Variants in CCAR2 observed in about 807,000 individuals in gnomAD.
The protein encoded by CCAR2 is cell cycle and apoptosis regulator protein 2.
A neutral mutation model predicts 108.1 loss-of-function variants in CCAR2; 21 were observed. The ratio of observed to expected loss-of-function variants is 0.19; its 90% CI spans 0.14 to 0.28. The LOEUF is 0.28. Among genes scored for constraint, CCAR2 ranks in the 10% least tolerant of loss-of-function variants. The pLI is 1.00. For synonymous variants in CCAR2, 577 were observed against 472.8 expected (o/e 1.22, Z -2.86); for missense variants, 1,126 against 1,177.0 (o/e 0.96, Z 0.63).
chr8:22,618,748 A>C lies in CCAR2; in HGVS notation c.2332+20A>C. The C allele has an allele frequency of 1.9e-6, 3 of 1,613,648 alleles. No homozygotes were observed. Among genetic ancestry groups the C allele is most frequent in the Non-Finnish European group, 2.5e-6 (3 of 1,179,816 alleles). On this transcript the variant is annotated intron_variant, in intron 18 of 20. Transcript: ENST00000308511. Reference sequence around the variant, plus strand: ...TCTTCGGTATGTTCTGGGGCCCTGCAGCCTTCCTGGGGCACGGGCAGGGCA... The same window carrying C: ...TCTTCGGTATGTTCTGGGGCCCTGCCGCCTTCCTGGGGCACGGGCAGGGCA...
At position 22,618,191 on chromosome 8, in the gene CCAR2, A is replaced by G. The variant is rs564347615; in HGVS notation, c.2074-158A>G. On this transcript the variant is annotated intron_variant, in intron 16 of 20. Coordinates refer to ENST00000308511, the MANE Select transcript of CCAR2 (RefSeq NM_001393997.1). ...CTGCAGCCTCGAACTCCTGGGTTCA[A>G]GTGATTCTCCTGCCTTAGCCTCCCC... The G allele has an allele frequency of 1.8e-5, 17 of 924,394 alleles. No homozygotes were observed. The East Asian group carries it at 1.9e-4, about 11-fold the overall frequency. 57.3% of individuals were successfully genotyped at this position (924,394 alleles called of 1,614,324 possible).
intron 7 of CCAR2, among the ~76,000 whole-genome samples, chr8:22,611,432 ATG>A (rs1010045074): frequency 1.2e-4 from 17 of 144,802 alleles, no homozygotes; most frequent in East Asian, 2.0e-4. Context: ...GTGTGTATAT[ATG>A]TGTGTGTGTA....
chr8:22,615,298 C>T (rs1054010323), intron 11 of CCAR2, 127 bp from the exon 12 acceptor site: 5 of 1,215,544 alleles, frequency 4.1e-6, no homozygotes, highest in Non-Finnish European at 5.8e-6. Flanking sequence ...CCTGTTGTGT[C>T]TTCAAAGCTT....
At chr8:22,619,480 T>C in intron 20 of CCAR2, 125 bp downstream of exon 20, 5 of 1,414,184 alleles carry the variant, frequency 3.5e-6, no homozygotes, top group Non-Finnish European at 4.8e-6. Flanking sequence ...CGTCTTTCCA[T>C]CGCTTGCCAG....
At chr8:22,608,874 A>G (rs1183570680) in intron 7 of CCAR2, among the ~76,000 whole-genome samples, 18 of 152,186 alleles carry the variant, frequency 1.2e-4, no homozygotes, top group Admixed American at 1.1e-3. Context: ...CCCATTACCC[A>G]GCTTCTTCAA....
rs769836001 is a variant in CCAR2 at position 22,619,261 on chromosome 8, C to T, written c.2633C>T (p.Ala878Val). Residue 878 changes from alanine (A) to valine (V), a missense_variant, in exon 20 of 21, where the codon GCG (alanine) becomes GTG (valine). Physicochemically the swap from Ala to Val is moderately conservative, Grantham distance 64 (BLOSUM62 0). Coordinates refer to ENST00000308511, the MANE Select transcript of CCAR2 (RefSeq NM_001393997.1). The part of the protein sequence containing the change: ...LAEAEETART[A>V]ERQKSQLQRL... ...GAGGCCGAGGAGACCGCCCGGACGG[C>T]GGAGCGACAGAAGAGCCAGCTCCAG... The T allele has an allele frequency of 1.4e-5, 22 of 1,564,676 alleles. No individual in the cohort carries two copies. Among genetic ancestry groups the T allele is most frequent in the Middle Eastern group, 1.7e-4 (1 of 5,968 alleles).
intron 3 of CCAR2, among the ~76,000 whole-genome samples, chr8:22,606,392 G>A (rs923022064): frequency 6.6e-5 from 10 of 152,176 alleles, no homozygotes; most frequent in African/African-American, 2.4e-4. Context: ...TAATGAACTG[G>A]AAATCCCAGA....
chr8:22,607,944 G>T (rs1563906890), intron 6 of CCAR2, 25 bp from the exon 7 acceptor site: 2 of 1,609,510 alleles, frequency 1.2e-6, no homozygotes, highest in Non-Finnish European at 1.7e-6. Flanking sequence ...GGGTTTTTGA[G>T]TCACCAGTCA....
Position 22,613,176 on chromosome 8 carries a change from G to T in CCAR2, c.704+40G>T, listed in dbSNP as rs757643001. ...TGAGGTGGGCTGAGTCTTGCTGCTG[G>T]TAATAGTTTCTTATGTAAATGAGAT... is the stretch of plus-strand genomic sequence containing the variant. On this transcript the variant is annotated intron_variant, in intron 8 of 20. Coordinates refer to ENST00000308511, the MANE Select transcript of CCAR2 (RefSeq NM_001393997.1). 9.3e-6 allele frequency: 14 copies of T among 1,510,654 alleles called. No homozygotes were observed. The South Asian group carries it at 1.7e-4, about 18-fold the overall frequency. The allele number at this position is 1,510,654 out of a possible 1,614,324, so 93.6% of individuals were successfully genotyped here.
Position 22,618,921 on chromosome 8 carries a change from G to A in CCAR2, c.2427G>A (p.Leu809=). Residue 809 remains leucine (L), a synonymous_variant, in exon 19 of 21, where the codon CTG becomes CTA. Coordinates refer to ENST00000308511, the MANE Select transcript of CCAR2 (RefSeq NM_001393997.1). ...HKALVSHNGS[L]INVGSLLQRA... is the part of the protein sequence containing the mutation. ...CCTTGGTGTCCCACAATGGCAGCCT[G>A]ATTAACGTGGGGAGCCTGCTGCAGC... The A allele has an allele frequency of 2.5e-6, 4 of 1,613,822 alleles. No individual in the cohort carries two copies. The highest frequency in any genetic ancestry group is 3.4e-6 in the Non-Finnish European group (4 of 1,180,052).
Position 22,618,529 on chromosome 8 carries a change from C to T in CCAR2, c.2220+34C>T, listed in dbSNP as rs200335113. 5.0e-6 allele frequency: 8 copies of T among 1,613,948 alleles called. No homozygotes were observed. The African/African-American group carries it at 9.3e-5, about 19-fold the overall frequency. ...TTTCCTCTGCCCCAGCACATGGGCA[C>T]AGGCCTGCACTTACTCCTGCTCTAG... On this transcript the variant is annotated intron_variant, in intron 17 of 20. Transcript: ENST00000308511.
intron 19 of CCAR2, 63 bp from the exon 20 acceptor site, chr8:22,619,087 G>A (rs1044768234): frequency 6.2e-7 from 1 of 1,600,290 alleles, no homozygotes; most frequent in African/African-American, 1.3e-5. Flanking sequence ...TTAGGCTCAG[G>A]CCCTGCCCTG....
rs1359637568 is a variant in CCAR2, at chr8:22,607,994, C to A, written c.513C>A (p.His171Gln). Residue 171 changes from histidine (H) to glutamine (Q), a missense_variant, in exon 7 of 21, where the codon CAC becomes CAA. Physicochemically the swap from His to Gln is conservative, Grantham distance 24. Coordinates refer to ENST00000308511, the MANE Select transcript of CCAR2 (RefSeq NM_001393997.1). ...CTCTGAGTCTCTTCCAAACATCCCA[C>A]ACACTTCACCTGAGCCACCTGAACA... Reference protein sequence around the residue: ...QKPLSLFQTSHTLHLSHLNRF... With the variant: ...QKPLSLFQTSQTLHLSHLNRF... 23 of 1,613,952 alleles carry A rather than the reference C, an allele frequency of 1.4e-5. No individual in the cohort carries two copies. The highest frequency in any genetic ancestry group is 1.9e-5 in the Non-Finnish European group (22 of 1,180,020).
In CCAR2 at chr8:22,605,728, G is replaced by T. The variant is rs764528711; in HGVS notation, c.-38-8G>T. ...TAAGCTGTTAATTTCTTTCTTTTTGGATTGAAGCCTTTTCCCCACGACTCT... is the reference window on the plus strand; with the variant it reads ...TAAGCTGTTAATTTCTTTCTTTTTGTATTGAAGCCTTTTCCCCACGACTCT... On this transcript the variant is annotated splice_polypyrimidine_tract_variant and splice_region_variant and intron_variant, in intron 1 of 20. Coordinates refer to ENST00000308511, the MANE Select transcript of CCAR2 (RefSeq NM_001393997.1). 11 of 1,534,188 alleles carry T rather than the reference G, an allele frequency of 7.2e-6. No individual in the cohort carries two copies. The highest frequency in any genetic ancestry group is 9.0e-6 in the Non-Finnish European group (10 of 1,113,324).
Position 22,618,736 on chromosome 8 carries a change from C to A in CCAR2, c.2332+8C>A, listed in dbSNP as rs200381038. ...CCGAGGAGGTGCTCTTCGGTATGTT[C>A]TGGGGCCCTGCAGCCTTCCTGGGGC... On this transcript the variant is annotated splice_region_variant and intron_variant, in intron 18 of 20. Transcript: ENST00000308511. 2.2e-5 allele frequency: 36 copies of A among 1,613,698 alleles called. No individual in the cohort carries two copies. The highest frequency in any genetic ancestry group is 2.8e-5 in the Non-Finnish European group (33 of 1,179,936).
At chr8:22,618,205 C>T (rs1801600757) in intron 16 of CCAR2, 144 bp from the exon 17 acceptor site, 1 of 1,088,232 alleles carries the variant, frequency 9.2e-7, no homozygotes, top group African/African-American at 1.6e-5. Context: ...ATTCTCCTGC[C>T]TTAGCCTCCC....
rs368135137 is a variant in CCAR2 at position 22,614,946 on chromosome 8, G to T, written c.1150G>T (p.Ala384Ser). The change falls in exon 11 of 21, where the codon GCC becomes TCC. Residue 384 changes from alanine (A) to serine (S), a missense_variant. By Grantham distance (99) the Ala-to-Ser change is moderately conservative (BLOSUM62 1). Around this residue, in one of 4 missense-constraint regions of CCAR2, gnomAD observed 1,013 missense variants for 993.9 expected, o/e 1.02. Coordinates refer to ENST00000308511, the MANE Select transcript of CCAR2 (RefSeq NM_001393997.1). ...QADPQVLVRT[A>S]IRCAQAQTGI... ...TGACCCGCAGGTGCTGGTGCGTACC[G>T]CCATCCGCTGTGCGCAGGCCCAGAC... 20 of 1,610,108 alleles carry T rather than the reference G, an allele frequency of 1.2e-5. No individual in the cohort carries two copies. The highest frequency in any genetic ancestry group is 1.7e-5 in the Non-Finnish European group (20 of 1,178,452).
chr8:22,618,683 C>A lies in CCAR2; in HGVS notation c.2287C>A (p.Arg763Ser). ...CCAGTACCGGAGCCTTCAGTACAGC[C>A]GCCAGGAGGGCCTGGATGGTGGCCT... ...ICQYRSLQYS[R>S]QEGLDGGLPE... Residue 763 changes from arginine to serine, a missense_variant, in exon 18 of 21, where the codon CGC becomes AGC. By Grantham distance (110) the Arg-to-Ser change is moderately radical. Around this residue, in one of 4 missense-constraint regions of CCAR2, gnomAD observed 1,013 missense variants for 993.9 expected, o/e 1.02. Transcript: ENST00000308511. 6.2e-7 allele frequency: 1 copy of A among 1,614,084 alleles called. No homozygotes were observed. Among genetic ancestry groups the A allele is most frequent in the Non-Finnish European group, 8.5e-7 (1 of 1,180,038 alleles).
downstream of CCAR2, chr8:22,621,260 C>T (rs577564671): frequency 5.1e-5 from 49 of 959,118 alleles, no homozygotes; most frequent in South Asian, 7.8e-4. Flanking sequence ...CTGCCTAGGG[C>T]TCCTGGTGCC....
Sources: gnomAD v4.1 joint callset for allele counts (sites outside exome capture counted in the v4.1 genomes callset) on GRCh38, gnomAD v4.1.1 for gene constraint, gnomAD v4.1.1 regional missense constraint, MANE v1.5 for transcripts, NCBI Gene and HGNC (gene_info 2026-07-23, HGNC 2026-07-21) for gene names.